Variants in DNAAF11 observed in about 807,000 individuals in gnomAD.
DNAAF11 encodes dynein axonemal assembly factor 11.
In DNAAF11, 45 loss-of-function variants were observed where a neutral mutation model predicts 60.8. That is an observed-to-expected ratio of 0.74 (90% CI 0.58 to 0.95). The LOEUF is 0.95. DNAAF11 is among the 40% of genes least tolerant of loss of function. DNAAF11 has a pLI of 0.00. For missense variants in DNAAF11, 546 were observed against 546.2 expected (o/e 1.00, Z 0.00); for synonymous variants, 191 against 183.5 (o/e 1.04, Z -0.33).
chr8:132,642,978 C>A (rs902393852), intron 3 of DNAAF11, among the ~76,000 whole-genome samples: 19 of 152,204 alleles, frequency 1.2e-4, no homozygotes, highest in Admixed American at 1.2e-3. Flanking sequence ...CAGGATGAAA[C>A]TGTTTCACCT....
At chr8:132,699,457 G>A in the DNAAF11 span, among the ~76,000 whole-genome samples, 4 of 152,202 alleles carry the variant, frequency 2.6e-5, no homozygotes, top group Non-Finnish European at 5.9e-5. Flanking sequence ...AGGAAGCCAA[G>A]TGGCCTGATG....
chr8:132,655,455 C>T (rs1586708736), intron 3 of DNAAF11, among the ~76,000 whole-genome samples: 1 of 152,006 alleles, frequency 6.6e-6, no homozygotes, highest in Non-Finnish European at 1.5e-5. Flanking sequence ...GGAAAACAAA[C>T]AAACAAACTA....
chr8:132,634,056 T>A lies in DNAAF11; in HGVS notation c.430-1093A>T, dbSNP rs565020395. On this transcript the variant is annotated intron_variant, in intron 4 of 11. Transcript: ENST00000620350. ...AGAAACATAAAAAAGGAAAAAAAAA[T>A]ACACACAAAGATTTAGTCAAATATA... Among the ~76,000 whole-genome samples the A allele has an allele frequency of 9.9e-5, 15 of 151,970 alleles. 1 individual carries two copies. The highest frequency in any genetic ancestry group is 9.8e-4 in the Admixed American group (15 of 15,254).
chr8:132,622,238 A>G (rs974926227), intron 7 of DNAAF11, among the ~76,000 whole-genome samples: 3 of 152,346 alleles, frequency 2.0e-5, no homozygotes, highest in African/African-American at 7.2e-5. Flanking sequence ...GTAGATGTAT[A>G]GAAGGTACAT....
intron 10 of DNAAF11, among the ~76,000 whole-genome samples, chr8:132,603,167 T>C (rs1435251539): frequency 1.3e-5 from 2 of 152,160 alleles, no homozygotes; most frequent in Admixed American, 6.6e-5. Flanking sequence ...AAGATGTTTT[T>C]AAAATATGTA....
At chr8:132,663,718 T>C (rs1281681849) in intron 1 of DNAAF11, among the ~76,000 whole-genome samples, 1 of 152,172 alleles carries the variant, frequency 6.6e-6, no homozygotes, top group South Asian at 2.1e-4. Flanking sequence ...CTCTAGACCA[T>C]GGCCCATGGA....
chr8:132,576,384 A>G (rs1426909568), intron 11 of DNAAF11, among the ~76,000 whole-genome samples: 1 of 152,196 alleles, frequency 6.6e-6, no homozygotes, highest in African/African-American at 2.4e-5. Context: ...CCTATCCTCA[A>G]TAACCTTACT....
chr8:132,693,331 T>C, the DNAAF11 span, among the ~76,000 whole-genome samples: 1 of 152,222 alleles, frequency 6.6e-6, no homozygotes, highest in Non-Finnish European at 1.5e-5. Flanking sequence ...ACAGATGCCA[T>C]TGCTTTATTC....
chr8:132,640,094 C>T (rs563639839), intron 3 of DNAAF11, among the ~76,000 whole-genome samples: 12 of 152,282 alleles, frequency 7.9e-5, no homozygotes, highest in Admixed American at 3.9e-4. Flanking sequence ...ATTAGCAAGT[C>T]TAATAGACCT....
At chr8:132,589,855 T>C (rs1451260347) in intron 10 of DNAAF11, among the ~76,000 whole-genome samples, 1 of 152,180 alleles carries the variant, frequency 6.6e-6, no homozygotes, top group Non-Finnish European at 1.5e-5. Flanking sequence ...AAGGGGTCAT[T>C]TGCATGAAAT....
chr8:132,592,138 G>A (rs561808565), intron 10 of DNAAF11, among the ~76,000 whole-genome samples: 1 of 152,126 alleles, frequency 6.6e-6, no homozygotes, highest in South Asian at 2.1e-4. Context: ...ATTTTTTTGA[G>A]TTCTTACAAC....
intron 3 of DNAAF11, among the ~76,000 whole-genome samples, chr8:132,640,983 G>A (rs1411919773): frequency 6.6e-6 from 1 of 151,996 alleles, no homozygotes; most frequent in African/African-American, 2.4e-5. Context: ...AAATAATAGT[G>A]GTAACATTGT....
intron 7 of DNAAF11, among the ~76,000 whole-genome samples, chr8:132,617,719 C>T (rs543383786): frequency 6.6e-6 from 1 of 152,038 alleles, no homozygotes; most frequent in South Asian, 2.1e-4. Flanking sequence ...GAATAAAATA[C>T]CTAGGAATCC....
intron 5 of DNAAF11, 22 bp downstream of exon 5, chr8:132,632,718 A>G: frequency 3.2e-6 from 5 of 1,543,486 alleles, no homozygotes; most frequent in Non-Finnish European, 4.5e-6. Flanking sequence ...TTAACTAGAA[A>G]GTAAACTAAT....
At chr8:132,672,316 GCA>G (rs1282173637) in intron 1 of DNAAF11, among the ~76,000 whole-genome samples, 3 of 152,098 alleles carry the variant, frequency 2.0e-5, no homozygotes, top group African/African-American at 4.8e-5. Context: ...CAGATTAAAT[GCA>G]CAGAGAGGAA....
chr8:132,584,468 G>A (rs1815669564), intron 10 of DNAAF11, among the ~76,000 whole-genome samples: 1 of 152,086 alleles, frequency 6.6e-6, no homozygotes, highest in South Asian at 2.1e-4. Flanking sequence ...TCCACTACGT[G>A]CTAGGCACAC....
chr8:132,702,135 T>C, the DNAAF11 span: 1 of 152,366 alleles, frequency 6.6e-6, no homozygotes, highest in South Asian at 2.1e-4. Context: ...CATGCCACTA[T>C]ATAAGCTTAC....
At chr8:132,648,209 G>A (rs1316510724) in intron 3 of DNAAF11, among the ~76,000 whole-genome samples, 1 of 152,104 alleles carries the variant, frequency 6.6e-6, no homozygotes, top group Non-Finnish European at 1.5e-5. Context: ...TTCAACATAT[G>A]CAAACCGATA....
At chr8:132,652,596 G>C (rs946097716) in intron 3 of DNAAF11, among the ~76,000 whole-genome samples, 2 of 152,088 alleles carry the variant, frequency 1.3e-5, no homozygotes, top group East Asian at 1.9e-4. Flanking sequence ...ATACACCATG[G>C]AATACTATGC....
Sources: gnomAD v4.1 joint callset for allele counts (sites outside exome capture counted in the v4.1 genomes callset) on GRCh38, gnomAD v4.1.1 for gene constraint, MANE v1.5 for transcripts, NCBI Gene and HGNC (gene_info 2026-07-23, HGNC 2026-07-21) for gene names.